Variants in CASP6 observed in about 807,000 individuals in gnomAD.
CASP6 encodes caspase 6, also known as caspase-6.
CASP6 carries 20 observed loss-of-function variants against 31.8 expected under a neutral mutation model. The observed-to-expected ratio is 0.63, with a 90% CI of 0.44 to 0.91. CASP6 has a LOEUF of 0.91. CASP6 is among the 40% of genes least tolerant of loss of function. CASP6 has a pLI of 0.00. For synonymous variants in CASP6, 130 were observed against 127.8 expected, an observed-to-expected ratio of 1.02 and a Z score of -0.12; for missense variants, 328 against 361.1, an observed-to-expected ratio of 0.91 and a Z score of 0.74.
chr4:109,697,604 G>T lies in CASP6; in HGVS notation c.230+18C>A, dbSNP rs771721774. On this transcript the variant is annotated intron_variant, in intron 3 of 6. Transcript: ENST00000265164. ...ATCACTTAACTGCCTCATCTTGATA[G>T]GTAGATAAAACTACTACCTGCGGGT... 1.1e-5 allele frequency: 18 copies of T among 1,594,328 alleles called. No individual in the cohort carries two copies. The highest frequency in any genetic ancestry group is 3.6e-5 in the Admixed American group (2 of 55,652).
At chr4:109,681,605 C>T in the CASP6 span, 8 of 298,380 alleles carry the variant, frequency 2.7e-5, no homozygotes, top group African/African-American at 8.9e-5. Flanking sequence ...TCGTGGGTCA[C>T]GGAAGACAAC....
downstream of CASP6, chr4:109,687,908 T>A: frequency 4.6e-6 from 1 of 218,222 alleles, no homozygotes; most frequent in Non-Finnish European, 8.9e-6. Context: ...CTTCCATTCT[T>A]AGACTTAATT....
chr4:109,685,221 T>G, downstream of CASP6: 1 of 889,506 alleles, frequency 1.1e-6, no homozygotes, highest in Non-Finnish European at 1.8e-6. Context: ...CAAAACATGT[T>G]GTTTTCTTCT....
the CASP6 span, among the ~76,000 whole-genome samples, chr4:109,667,792 A>G: frequency 5.4e-4 from 82 of 151,432 alleles, no homozygotes; most frequent in African/African-American, 1.9e-3. Flanking sequence ...ATTCAATCCT[A>G]TAGATTCCCC....
At chr4:109,674,012 C>T in the CASP6 span, 1 of 1,225,276 alleles carries the variant, frequency 8.2e-7, no homozygotes, top group African/African-American at 1.5e-5. Context: ...ACTAAAATGT[C>T]CATTCATCTG....
At chr4:109,704,057 G>A (rs1209647107), upstream of CASP6, among the ~76,000 whole-genome samples, 6 of 152,030 alleles carry the variant, frequency 3.9e-5, no homozygotes, top group East Asian at 7.8e-4. Flanking sequence ...TAATCCATAA[G>A]CCCTGTATGT....
At chr4:109,689,681 G>C in intron 6 of CASP6, 113 bp from the exon 7 acceptor site, 1 of 939,694 alleles carries the variant, frequency 1.1e-6, no homozygotes, top group South Asian at 1.6e-5. Context: ...AGAGTCTTAA[G>C]ATGTGTCCAT....
chr4:109,681,040 T>C, the CASP6 span, among the ~76,000 whole-genome samples: 1 of 152,216 alleles, frequency 6.6e-6, no homozygotes, highest in Non-Finnish European at 1.5e-5. Context: ...CTGTAAGAGT[T>C]GAAAAATAAT....
intron 4 of CASP6, among the ~76,000 whole-genome samples, chr4:109,695,121 A>T (rs1343836700): frequency 6.6e-6 from 1 of 152,304 alleles, no homozygotes; most frequent in East Asian, 1.9e-4. Flanking sequence ...ATGAGCCACC[A>T]TGCCCGGCCT....
At chr4:109,690,800 G>T in intron 6 of CASP6, 50 bp downstream of exon 6, 1 of 1,539,276 alleles carries the variant, frequency 6.5e-7, no homozygotes, top group Non-Finnish European at 8.8e-7. Context: ...GAAACTTACA[G>T]GACCTTAGCC....
At chr4:109,696,509 G>T in intron 3 of CASP6, 23 bp from the exon 4 acceptor site, 3 of 1,542,784 alleles carry the variant, frequency 1.9e-6, no homozygotes, top group Non-Finnish European at 2.7e-6. Flanking sequence ...TAAATGAAAT[G>T]TTAGCCTATA....
chr4:109,686,325 G>A (rs1322172718), downstream of CASP6, among the ~76,000 whole-genome samples: 1 of 152,098 alleles, frequency 6.6e-6, no homozygotes, highest in Admixed American at 6.5e-5. Flanking sequence ...TTTTAGTAGA[G>A]ACAGAGTTCC....
chr4:109,680,948 C>CTTATAA, the CASP6 span, among the ~76,000 whole-genome samples: 4 of 152,106 alleles, frequency 2.6e-5, no homozygotes, highest in African/African-American at 9.7e-5. Flanking sequence ...TTTATATGGA[C>CTTATAA]TTATAAACCC....
At position 109,696,467 on chromosome 4, in the gene CASP6, C is replaced by G. The variant is rs761880056; in HGVS notation, c.250G>C (p.Glu84Gln). ...TTAAGATCATTAAAGCATTTCACTT[C>G]AAATCCTAGATCTGAAAACCTAGTG... ...LTRRFSDLGF[E>Q]VKCFNDLKAE... The change falls in exon 4 of 7, where the codon GAA becomes CAA. Residue 84 changes from glutamate (E) to glutamine (Q), a missense_variant. By Grantham distance (29) the Glu-to-Gln change is conservative. Transcript: ENST00000265164. 15 of 1,611,980 alleles carry G rather than the reference C, an allele frequency of 9.3e-6. No individual in the cohort carries two copies. In the East Asian group the frequency reaches 3.3e-4, roughly 36 times the overall value.
chr4:109,668,215 T>C, the CASP6 span, among the ~76,000 whole-genome samples: 3 of 152,254 alleles, frequency 2.0e-5, no homozygotes, highest in South Asian at 6.2e-4. Context: ...GATCTGTCCA[T>C]TTCTAATAGA....
At chr4:109,694,851 GAC>G (rs1730188383) in intron 4 of CASP6, 151 bp from the exon 5 acceptor site, 2 of 762,812 alleles carry the variant, frequency 2.6e-6, no homozygotes, top group African/African-American at 3.7e-5. Flanking sequence ...GTTTTTTTGA[GAC>G]AGAGTTTCAC....
At chr4:109,675,481 T>C in the CASP6 span, among the ~76,000 whole-genome samples, 1 of 152,252 alleles carries the variant, frequency 6.6e-6, no homozygotes, top group Admixed American at 6.5e-5. Context: ...ATCATTTGGA[T>C]GACAACTCTG....
At chr4:109,669,984 C>A in the CASP6 span, among the ~76,000 whole-genome samples, 7 of 152,158 alleles carry the variant, frequency 4.6e-5, no homozygotes, top group African/African-American at 7.2e-5. Context: ...AGTTGCTAGT[C>A]CGATAATTCC....
At chr4:109,699,500 A>G (rs1730353516) in intron 1 of CASP6, among the ~76,000 whole-genome samples, 1 of 152,184 alleles carries the variant, frequency 6.6e-6, no homozygotes, top group African/African-American at 2.4e-5. Context: ...CTAAGACCCC[A>G]CACTAAGGCA....
Sources: allele counts gnomAD v4.1 joint callset (sites outside exome capture counted in the v4.1 genomes callset), GRCh38; gene constraint gnomAD v4.1.1; transcripts MANE v1.5; gene names NCBI Gene and HGNC (gene_info 2026-07-23, HGNC 2026-07-21).